The following DLG2 variants were observed in gnomAD, a reference collection of about 807,000 sequenced individuals.
The protein encoded by DLG2 is disks large homolog 2.
DLG2 carries 45 observed loss-of-function variants against 132.5 expected under a neutral mutation model. The ratio of observed to expected loss-of-function variants is 0.34; its 90% CI spans 0.27 to 0.44. DLG2 has a LOEUF of 0.44. Among genes scored for constraint, DLG2 ranks in the 20% least tolerant of loss-of-function variants. DLG2 has a pLI of 1.00. For missense variants in DLG2, 1,045 were observed against 1,196.9 expected (o/e 0.87, Z 1.87); for synonymous variants, 424 against 419.6 (o/e 1.01, Z -0.13).
chr11:83,479,130 T>TATCA (rs2092881078), intron 22 of DLG2, among the ~76,000 whole-genome samples: 1 of 151,932 alleles, frequency 6.6e-6, no homozygotes, highest in African/African-American at 2.4e-5. Context: ...GTGGTTCCTA[T>TATCA]ATCAATCTAA....
At chr11:84,878,407 G>T (rs907232664) in intron 6 of DLG2, among the ~76,000 whole-genome samples, 3 of 152,112 alleles carry the variant, frequency 2.0e-5, no homozygotes, top group African/African-American at 7.2e-5. Context: ...TCCTTTGCAG[G>T]GACATGGATG....
At chr11:83,584,423 G>A (rs1028350740) in intron 19 of DLG2, among the ~76,000 whole-genome samples, 3 of 152,168 alleles carry the variant, frequency 2.0e-5, no homozygotes, top group African/African-American at 4.8e-5. Flanking sequence ...ATCAGAATAC[G>A]CTTCACCAAA....
chr11:84,575,721 AATT>A (rs2099498170), intron 6 of DLG2, among the ~76,000 whole-genome samples: 1 of 152,270 alleles, frequency 6.6e-6, no homozygotes, highest in East Asian at 1.9e-4. Context: ...TAAAATGTAT[AATT>A]ATTATTATTG....
At chr11:85,528,033 TTG>T (rs1486502466) in intron 3 of DLG2, among the ~76,000 whole-genome samples, 1 of 151,052 alleles carries the variant, frequency 6.6e-6, no homozygotes, top group Non-Finnish European at 1.5e-5. Context: ...ATGGGATTGT[TTG>T]TTTTTTTCTT....
intron 4 of DLG2, among the ~76,000 whole-genome samples, chr11:85,251,872 CTAAA>C (rs2152696861): frequency 6.6e-6 from 1 of 152,170 alleles, no homozygotes; most frequent in Non-Finnish European, 1.5e-5. Context: ...TTTTTGAACT[CTAAA>C]TAAATATTCA....
At chr11:84,062,134 A>T (rs1434448717) in intron 10 of DLG2, among the ~76,000 whole-genome samples, 2 of 152,166 alleles carry the variant, frequency 1.3e-5, no homozygotes, top group Non-Finnish European at 2.9e-5. Context: ...ATACAGTGGG[A>T]TCCTTAATTG....
intron 7 of DLG2, among the ~76,000 whole-genome samples, chr11:84,516,068 G>T (rs139433038): frequency 6.6e-6 from 1 of 150,982 alleles, no homozygotes; most frequent in African/African-American, 2.4e-5. Flanking sequence ...TACAAAAACC[G>T]ACAGAATACT....
chr11:85,291,564 A>G (rs2078891444), intron 3 of DLG2, among the ~76,000 whole-genome samples: 1 of 149,358 alleles, frequency 6.7e-6, no homozygotes, highest in East Asian at 2.0e-4. Flanking sequence ...AAATTTACCA[A>G]AATCACCTGA....
At chr11:83,626,517 C>A (rs1339894444) in intron 19 of DLG2, among the ~76,000 whole-genome samples, 2 of 152,108 alleles carry the variant, frequency 1.3e-5, no homozygotes, top group African/African-American at 4.8e-5. Flanking sequence ...AAACGAGGGG[C>A]AAGAAGCTGA....
At chr11:83,790,145 G>T in intron 17 of DLG2, 1 of 851,974 alleles carries the variant, frequency 1.2e-6, no homozygotes, top group East Asian at 2.5e-5. Context: ...TGCAGATCCA[G>T]GCAGCTGAGA....
intron 6 of DLG2, among the ~76,000 whole-genome samples, chr11:84,715,124 C>T (rs1373404251): frequency 2.0e-5 from 3 of 152,080 alleles, no homozygotes; most frequent in Non-Finnish European, 2.9e-5. Context: ...AAACTTTCCC[C>T]TATCTTAATA....
intron 8 of DLG2, among the ~76,000 whole-genome samples, chr11:84,195,607 G>T (rs2096501330): frequency 6.6e-6 from 1 of 152,150 alleles, no homozygotes; most frequent in African/African-American, 2.4e-5. Flanking sequence ...ACTTATATTA[G>T]TTCCTCAACA....
At chr11:83,723,405 A>G (rs1027787423) in intron 18 of DLG2, among the ~76,000 whole-genome samples, 1 of 152,010 alleles carries the variant, frequency 6.6e-6, no homozygotes, top group Admixed American at 6.6e-5. Flanking sequence ...AAATAATTAA[A>G]TTGAAAACAA....
chr11:83,587,789 G>T (rs576051695), intron 19 of DLG2, among the ~76,000 whole-genome samples: 6 of 152,226 alleles, frequency 3.9e-5, no homozygotes, highest in Non-Finnish European at 5.9e-5. Flanking sequence ...TGCGCGCACC[G>T]TGCGCGAGCC....
chr11:84,317,722 T>C (rs1271992926), intron 7 of DLG2, among the ~76,000 whole-genome samples: 1 of 152,132 alleles, frequency 6.6e-6, no homozygotes, highest in African/African-American at 2.4e-5. Flanking sequence ...ATCACTTATC[T>C]AGAGAGAGAT....
chr11:85,295,061 T>G (rs890840448), intron 3 of DLG2, among the ~76,000 whole-genome samples: 3 of 152,100 alleles, frequency 2.0e-5, no homozygotes, highest in Non-Finnish European at 4.4e-5. Context: ...TCAGCTACCT[T>G]TTATCTTACA....
At chr11:85,346,049 G>C (rs922628409) in intron 3 of DLG2, among the ~76,000 whole-genome samples, 2 of 151,980 alleles carry the variant, frequency 1.3e-5, no homozygotes, top group Non-Finnish European at 2.9e-5. Flanking sequence ...AAGTAAAGTG[G>C]TGAAAGAACA....
At chr11:83,811,843 G>A (rs1161676435) in intron 17 of DLG2, among the ~76,000 whole-genome samples, 1 of 152,048 alleles carries the variant, frequency 6.6e-6, no homozygotes, top group Non-Finnish European at 1.5e-5. Flanking sequence ...AAAGATTAGA[G>A]GAAACTAGTA....
chr11:84,766,082 G>A (rs1375895164), intron 6 of DLG2, among the ~76,000 whole-genome samples: 7 of 151,934 alleles, frequency 4.6e-5, no homozygotes, highest in South Asian at 2.1e-4. Flanking sequence ...CTTCCGTAGC[G>A]GCCTTTGCAT....
Sources: gnomAD v4.1 joint callset for allele counts (sites outside exome capture counted in the v4.1 genomes callset) on GRCh38, gnomAD v4.1.1 for gene constraint, MANE v1.5 for transcripts, NCBI Gene and HGNC (gene_info 2026-07-23, HGNC 2026-07-21) for gene names.